CHODL: variants seen among roughly 807,000 people sequenced by gnomAD.
CHODL encodes transmembrane protein MT75.
In CHODL, 29 loss-of-function variants were observed where a neutral mutation model predicts 34.5. That is an observed-to-expected ratio of 0.84 (90% CI 0.63 to 1.15). The LOEUF is 1.15. Among genes scored for constraint, CHODL ranks in the 50% most tolerant of loss-of-function variants. CHODL has a pLI of 0.00. For missense variants in CHODL, 332 were observed against 332.5 expected, an observed-to-expected ratio of 1.00 and a Z score of 0.01; for synonymous variants, 125 against 116.1, an observed-to-expected ratio of 1.08 and a Z score of -0.49.
chr21:18,169,999 G>A (rs566899633), intron 2 of CHODL, among the ~76,000 whole-genome samples: 2 of 152,022 alleles, frequency 1.3e-5, no homozygotes, highest in South Asian at 4.2e-4. Flanking sequence ...TTTGAATTTT[G>A]TACTAGTTGT....
chr21:18,166,863 T>TA (rs1601094626), intron 2 of CHODL, among the ~76,000 whole-genome samples: 2 of 152,150 alleles, frequency 1.3e-5, no homozygotes, highest in East Asian at 3.8e-4. Context: ...TGTGGAACTG[T>TA]GAAGAATTTC....
rs1351542960 is a variant in CHODL, at chr21:18,119,535, G to A, written c.-45+91564G>A. Among the ~76,000 whole-genome samples, 8 of 151,990 alleles carry A rather than the reference G, an allele frequency of 5.3e-5. No individual in the cohort carries two copies. In the South Asian group the frequency reaches 1.5e-3, roughly 28 times the overall value. On this transcript the variant is annotated intron_variant, in intron 2 of 6. Transcript: ENST00000400127. ...GCCACAAAGGAAGAGGGTACAATTG[G>A]CTTAAGATCTACATGAAGGGACAAT...
intron 1 of CHODL, among the ~76,000 whole-genome samples, chr21:17,929,361 A>C (rs1374825404): frequency 1.3e-5 from 2 of 152,260 alleles, no homozygotes; most frequent in Non-Finnish European, 2.9e-5. Context: ...AGTACAAATA[A>C]AAGTAAAATA....
intron 2 of CHODL, among the ~76,000 whole-genome samples, chr21:18,111,885 G>C (rs968438306): frequency 6.6e-6 from 1 of 152,180 alleles, no homozygotes; most frequent in African/African-American, 2.4e-5. Context: ...GGGAACTCAG[G>C]TGGAAATTCA....
At chr21:18,217,518 C>T (rs542161840) in intron 2 of CHODL, among the ~76,000 whole-genome samples, 5 of 152,182 alleles carry the variant, frequency 3.3e-5, no homozygotes, top group South Asian at 4.1e-4. Context: ...CCTCCCATTG[C>T]GTCCTTCCCA....
At chr21:18,201,675 C>G (rs1156478914) in intron 2 of CHODL, among the ~76,000 whole-genome samples, 1 of 151,656 alleles carries the variant, frequency 6.6e-6, no homozygotes, top group African/African-American at 2.4e-5. Flanking sequence ...AAGTAGACTT[C>G]TTTAAATGCA....
At chr21:18,135,795 C>T (rs961821063) in intron 2 of CHODL, among the ~76,000 whole-genome samples, 3 of 152,070 alleles carry the variant, frequency 2.0e-5, no homozygotes, top group Non-Finnish European at 2.9e-5. Context: ...TAAGTGTTTT[C>T]TGAGTGAATG....
At chr21:17,925,934 A>C (rs2063218763) in intron 1 of CHODL, among the ~76,000 whole-genome samples, 2 of 152,208 alleles carry the variant, frequency 1.3e-5, no homozygotes, top group Admixed American at 6.5e-5. Context: ...ACTCATGAGG[A>C]TATAATTTGA....
At chr21:18,259,861 C>T (rs969459468) in intron 3 of CHODL, among the ~76,000 whole-genome samples, 4 of 152,162 alleles carry the variant, frequency 2.6e-5, no homozygotes, top group African/African-American at 7.2e-5. Context: ...CTTACGTTTG[C>T]CAATTCTTGG....
intron 1 of CHODL, among the ~76,000 whole-genome samples, chr21:17,948,816 T>C (rs541634437): frequency 6.6e-6 from 1 of 152,162 alleles, no homozygotes. Flanking sequence ...TGCTGAATTC[T>C]AATAAACATT....
At chr21:18,010,134 A>C (rs1392676343) in intron 1 of CHODL, among the ~76,000 whole-genome samples, 2 of 143,426 alleles carry the variant, frequency 1.4e-5, no homozygotes, top group South Asian at 2.2e-4. Context: ...AAAAAAAAAA[A>C]AAAAAAAAAA....
At chr21:18,027,478 CAT>C (rs2064188665) in intron 1 of CHODL, among the ~76,000 whole-genome samples, 1 of 152,070 alleles carries the variant, frequency 6.6e-6, no homozygotes, top group Non-Finnish European at 1.5e-5. Flanking sequence ...AGAAGAATCA[CAT>C]GTGAATGACT....
intron 2 of CHODL, among the ~76,000 whole-genome samples, chr21:18,193,568 T>C (rs1158124551): frequency 6.6e-6 from 1 of 151,546 alleles, no homozygotes; most frequent in Non-Finnish European, 1.5e-5. Context: ...TGGTGGCCCA[T>C]GCCTGTAATC....
Position 18,193,710 on chromosome 21 carries a change from ATAAAAT to A in CHODL, c.-44-62798_-44-62793del, listed in dbSNP as rs1483661223. Among the ~76,000 whole-genome samples the A allele has an allele frequency of 9.8e-4, 140 of 143,286 alleles. No homozygotes were observed. The East Asian group carries it at 0.01, about 11-fold the overall frequency. The allele number at this position is 143,286 out of a possible 152,430, so 94.0% of individuals were successfully genotyped here. ...GACTCTGTCTCAGAAAAAAAAAAAA[ATAAAAT>A]AAATAAATAAATAAATAAATAAATA... On this transcript the variant is annotated intron_variant, in intron 2 of 6. Coordinates refer to the CHODL transcript ENST00000400127.
chr21:18,165,392 T>G (rs2073140304), intron 2 of CHODL, among the ~76,000 whole-genome samples: 1 of 152,258 alleles, frequency 6.6e-6, no homozygotes, highest in Non-Finnish European at 1.5e-5. Flanking sequence ...ATCTTTAAAA[T>G]GTTTTTCCTT....
At chr21:17,998,438 T>A (rs920762109) in intron 1 of CHODL, among the ~76,000 whole-genome samples, 2 of 152,150 alleles carry the variant, frequency 1.3e-5, no homozygotes, top group African/African-American at 4.8e-5. Context: ...TTCTCACAGC[T>A]CCATTAGGTG....
rs369717760 is a variant in CHODL, at chr21:17,996,790, T to G, written c.-144-31082T>G. Among the ~76,000 whole-genome samples, 32 of 152,362 alleles carry G rather than the reference T, an allele frequency of 2.1e-4. No individual in the cohort carries two copies. In the South Asian group the frequency reaches 5.8e-3, roughly 28 times the overall value. ...GACCTGAAGGTGTTTAATCAGAGGC[T>G]GGTTGACTATTTTTGCAGAATTTAT... On this transcript the variant is annotated intron_variant, in intron 1 of 6. Transcript: ENST00000400127.
At chr21:18,135,815 A>G (rs1169759953) in intron 2 of CHODL, among the ~76,000 whole-genome samples, 1 of 152,174 alleles carries the variant, frequency 6.6e-6, no homozygotes, top group Admixed American at 6.5e-5. Context: ...GTATGGATAA[A>G]TAAGAATTTC....
intron 2 of CHODL, among the ~76,000 whole-genome samples, chr21:18,117,570 C>T (rs934138847): frequency 2.7e-5 from 4 of 150,808 alleles, no homozygotes; most frequent in Non-Finnish European, 5.9e-5. Context: ...CTCCCTTCAC[C>T]CCTAGGAAAT....
Sources: allele counts gnomAD v4.1 joint callset (sites outside exome capture counted in the v4.1 genomes callset), GRCh38; gene constraint gnomAD v4.1.1; transcripts MANE v1.5; gene names NCBI Gene and HGNC (gene_info 2026-07-23, HGNC 2026-07-21).